Variants in TFDP1 observed in about 807,000 individuals in gnomAD.
The protein encoded by TFDP1 is DRTF1-polypeptide 1.
TFDP1 carries 6 observed loss-of-function variants against 48.0 expected under a neutral mutation model. That is an observed-to-expected ratio of 0.13 (90% confidence interval 0.07 to 0.25). The LOEUF (loss-of-function observed/expected upper bound fraction) is 0.25, where lower values mean the gene tolerates loss of function less well. Ranked by LOEUF, TFDP1 falls within the 10% of genes least tolerant of loss-of-function variation. TFDP1 has a pLI of 1.00. For missense variants in TFDP1, 335 were observed against 543.0 expected (o/e 0.62, Z 3.81); for synonymous variants, 201 against 211.6 (o/e 0.95, Z 0.44).
intron 2 of TFDP1, among the ~76,000 whole-genome samples, chr13:113,606,427 GTCT>G (rs1047137461): frequency 2.0e-5 from 3 of 152,156 alleles, no homozygotes; most frequent in Non-Finnish European, 4.4e-5. Context: ...GGTAAATAGC[GTCT>G]TCTTGCCGTG....
chr13:113,618,934 C>T (rs1594485638), intron 3 of TFDP1, among the ~76,000 whole-genome samples: 2 of 152,144 alleles, frequency 1.3e-5, no homozygotes, highest in East Asian at 3.9e-4. Flanking sequence ...TCATTTATAG[C>T]CTTAGGTTCA....
At chr13:113,620,066 G>A (rs922519694) in intron 3 of TFDP1, among the ~76,000 whole-genome samples, 10 of 152,132 alleles carry the variant, frequency 6.6e-5, no homozygotes, top group South Asian at 2.1e-4. Flanking sequence ...AACCCTTAGC[G>A]ACCCACCCCA....
At chr13:113,612,987 G>C (rs2048743196) in intron 3 of TFDP1, among the ~76,000 whole-genome samples, 1 of 150,670 alleles carries the variant, frequency 6.6e-6, no homozygotes, top group Non-Finnish European at 1.5e-5. Flanking sequence ...GCCCTCACCT[G>C]GTGTTGATTC....
At chr13:113,630,658 GA>G (rs1394111037) in intron 4 of TFDP1, among the ~76,000 whole-genome samples, 1 of 152,206 alleles carries the variant, frequency 6.6e-6, no homozygotes, top group Admixed American at 6.5e-5. Flanking sequence ...CATTTACTGA[GA>G]AATAGTGTTT....
chr13:113,640,028 G>T, intron 11 of TFDP1, 92 bp from the exon 12 acceptor site: 1 of 939,230 alleles, frequency 1.1e-6, no homozygotes. Flanking sequence ...CACCTGTGGG[G>T]CACAGCCTGT....
intron 3 of TFDP1, among the ~76,000 whole-genome samples, chr13:113,616,984 G>GT (rs1413350450): frequency 1.1e-4 from 16 of 152,204 alleles, no homozygotes; most frequent in Non-Finnish European, 2.2e-4. Flanking sequence ...CGTAACCCTT[G>GT]TTCCAGGTGT....
rs2140376499 is a variant in TFDP1, at chr13:113,607,677, C to T, written c.13-3319C>T. On this transcript the variant is annotated intron_variant, in intron 2 of 11. Coordinates refer to ENST00000375370, the MANE Select transcript of TFDP1 (RefSeq NM_007111.5). This position sits in a 1 kb window ranked among gnomAD's most constrained non-coding sequence, Gnocchi z 5.2. Reference sequence around the variant, plus strand: ...ACTTCCTGGAAGGGCCGCCCGGGTCCACAACCTGGCCCGTTAACTCCCTGG... The same window carrying T: ...ACTTCCTGGAAGGGCCGCCCGGGTCTACAACCTGGCCCGTTAACTCCCTGG... 6.6e-6 allele frequency among the ~76,000 whole-genome samples: 1 copy of T among 152,318 alleles called. No individual in the cohort carries two copies. Among genetic ancestry groups the T allele is most frequent in the East Asian group, 1.9e-4 (1 of 5,178 alleles).
At chr13:113,608,856 G>C (rs2048635342) in intron 2 of TFDP1, among the ~76,000 whole-genome samples, 1 of 152,132 alleles carries the variant, frequency 6.6e-6, no homozygotes, top group African/African-American at 2.4e-5. Flanking sequence ...CACCTGTCCA[G>C]ACCCACTCGC....
At chr13:113,625,329 G>A (rs1271064981) in intron 4 of TFDP1, among the ~76,000 whole-genome samples, 7 of 123,698 alleles carry the variant, frequency 5.7e-5, no homozygotes, top group Non-Finnish European at 8.1e-5. Context: ...TTTCTCAGGC[G>A]TCTCTCACGT....
At chr13:113,621,640 C>T (rs532234453) in intron 3 of TFDP1, among the ~76,000 whole-genome samples, 1 of 152,228 alleles carries the variant, frequency 6.6e-6, no homozygotes, top group African/African-American at 2.4e-5. Flanking sequence ...GAGTGCGAGC[C>T]TTCTGTTATG....
At chr13:113,602,375 C>T (rs73577424) in intron 2 of TFDP1, among the ~76,000 whole-genome samples, 1,811 of 151,732 alleles carry the variant, frequency 0.012, 37 homozygotes, top group African/African-American at 0.041. Flanking sequence ...GTTCTCCGCA[C>T]GAGTCAAAGG....
At chr13:113,622,759 C>T (rs542031813) in intron 3 of TFDP1, among the ~76,000 whole-genome samples, 16 of 152,342 alleles carry the variant, frequency 1.1e-4, no homozygotes, top group African/African-American at 3.6e-4. Context: ...GTTCTCCTTC[C>T]TAAGGAAAAG....
At chr13:113,591,478 T>C (rs551507988) in intron 2 of TFDP1, among the ~76,000 whole-genome samples, 10 of 152,290 alleles carry the variant, frequency 6.6e-5, no homozygotes, top group African/African-American at 2.4e-4. Context: ...GTTAGCTCTT[T>C]ACTTTTGGTA....
chr13:113,602,475 G>A (rs1210829041), intron 2 of TFDP1, among the ~76,000 whole-genome samples: 1 of 152,154 alleles, frequency 6.6e-6, no homozygotes, highest in African/African-American at 2.4e-5. Context: ...GCTGTTTATA[G>A]AGTGGCCTCT....
intron 2 of TFDP1, among the ~76,000 whole-genome samples, chr13:113,605,464 C>G (rs986012381): frequency 6.6e-6 from 1 of 152,220 alleles, no homozygotes; most frequent in African/African-American, 2.4e-5. Flanking sequence ...CAACAATAAG[C>G]TGTCTTCTCC....
chr13:113,635,930 C>T (rs373607079), intron 8 of TFDP1, 47 bp from the exon 9 acceptor site: 30 of 1,589,318 alleles, frequency 1.9e-5, no homozygotes, highest in African/African-American at 9.4e-5. Flanking sequence ...ACAGGGGCTG[C>T]GTTCTTGTGC....
Position 113,633,279 on chromosome 13 carries a change from C to T in TFDP1, c.468C>T (p.Asn156=), listed in dbSNP as rs776625291. 24 of 1,613,270 alleles carry T rather than the reference C, an allele frequency of 1.5e-5. No individual in the cohort carries two copies. Among genetic ancestry groups the T allele is most frequent in the Admixed American group, 3.3e-5 (2 of 59,980 alleles). Residue 156 remains asparagine, a synonymous_variant, in exon 6 of 12, where the codon AAC becomes AAT. Transcript: ENST00000375370. The surrounding 1 kb of genome is among the most constrained non-coding windows in gnomAD (Gnocchi z 4.5). ...FSAADNHILP[N]ESAYDQKNIR... ...CTGCCGACAACCACATCTTACCAAA[C>T]GAGTCAGTAAGTGTGTGCCGGGGGC... is the stretch of plus-strand genomic sequence containing the variant.
Position 113,623,058 on chromosome 13 carries a change from A to C in TFDP1, c.80-122A>C, listed in dbSNP as rs145721433. On this transcript the variant is annotated intron_variant, in intron 3 of 11. Coordinates refer to ENST00000375370, the MANE Select transcript of TFDP1 (RefSeq NM_007111.5). The surrounding 1 kb of genome is among the most constrained non-coding windows in gnomAD (Gnocchi z 5.2). ...TGCTCTTGAGCCCTGGATTTGAGAC[A>C]GTACACGTGGGGAAAGCTAAGCATC... 1.1e-3 allele frequency: 892 copies of C among 803,834 alleles called. 4 individuals are homozygous for C. In the African/African-American group the frequency reaches 0.013, roughly 12 times the overall value. 49.8% of individuals were successfully genotyped at this position (803,834 alleles called of 1,614,324 possible).
At chr13:113,594,619 G>A (rs1208397707) in intron 2 of TFDP1, among the ~76,000 whole-genome samples, 4 of 152,218 alleles carry the variant, frequency 2.6e-5, no homozygotes, top group Admixed American at 2.6e-4. Flanking sequence ...CAGGTGTCCC[G>A]TGTGCTGGTC....
Sources: allele counts gnomAD v4.1 joint callset (sites outside exome capture counted in the v4.1 genomes callset), GRCh38; gene constraint gnomAD v4.1.1; non-coding constraint Gnocchi (gnomAD v3.1); transcripts MANE v1.5; gene names NCBI Gene and HGNC (gene_info 2026-07-23, HGNC 2026-07-21).